TMEM164: variants seen among roughly 807,000 people sequenced by gnomAD.
TMEM164 encodes the protein transmembrane protein 164, also known as RP13-360B22.2.
TMEM164 carries 4 observed loss-of-function variants against 18.8 expected under a neutral mutation model. The observed-to-expected ratio is 0.21, with a 90% CI of 0.10 to 0.49. The LOEUF is 0.49. TMEM164 is among the 20% of genes least tolerant of loss of function. TMEM164 has a pLI of 0.98. For missense variants in TMEM164, 108 were observed against 239.9 expected (o/e 0.45, Z 3.63); for synonymous variants, 86 against 101.7 (o/e 0.85, Z 0.93).
chrX:110,017,492 CTCCCTCCCTCCCTCCCTCCCTCCT>C (rs1933498034), intron 2 of TMEM164, among the ~76,000 whole-genome samples: 1 of 4,666 alleles, frequency 2.1e-4, no homozygotes, highest in African/African-American at 4.5e-4. Flanking sequence ...CCCTCCCTCC[CTCCCTCCCTCCCTCCCTCCCTCCT>C]TCCTTCCTTC....
chrX:110,104,713 T>C (rs768528421), intron 3 of TMEM164, among the ~76,000 whole-genome samples: 33 of 112,139 alleles, frequency 2.9e-4, no homozygotes, highest in Non-Finnish European at 5.3e-4. Flanking sequence ...TTCTCTTCTC[T>C]GTAAGAATAC....
At chrX:110,064,994 C>CAAAA (rs34824546) in intron 2 of TMEM164, 1 of 42,158 alleles carries the variant, frequency 2.4e-5, no homozygotes, top group African/African-American at 1.1e-4. Flanking sequence ...GAGACTTTCT[C>CAAAA]AAAAAAAAAA....
intron 3 of TMEM164, among the ~76,000 whole-genome samples, chrX:110,075,190 A>G (rs1224407360): frequency 9.0e-6 from 1 of 111,455 alleles, no homozygotes; most frequent in Non-Finnish European, 1.9e-5. Context: ...GGCTGGATGT[A>G]TTCCTAGGCA....
At chrX:110,090,472 A>C (rs773375245) in intron 3 of TMEM164, among the ~76,000 whole-genome samples, 7 of 109,271 alleles carry the variant, frequency 6.4e-5, no homozygotes, top group Non-Finnish European at 1.1e-4. Flanking sequence ...CACTCGGCTA[A>C]TTTTTTGTAT....
At chrX:110,033,146 A>C (rs1046802638) in intron 2 of TMEM164, among the ~76,000 whole-genome samples, 6 of 112,026 alleles carry the variant, frequency 5.4e-5, no homozygotes, top group African/African-American at 2.0e-4. Flanking sequence ...CTCTTCTCTC[A>C]CTGTCTCTAA....
intron 2 of TMEM164, among the ~76,000 whole-genome samples, chrX:110,010,940 G>A (rs1355211123): frequency 4.5e-5 from 5 of 111,501 alleles, no homozygotes; most frequent in Non-Finnish European, 9.4e-5. Flanking sequence ...ATATCCCCCC[G>A]CTTTCCAGTC....
chrX:110,126,560 G>T (rs2066531894), intron 4 of TMEM164, among the ~76,000 whole-genome samples: 1 of 111,907 alleles, frequency 8.9e-6, no homozygotes, highest in Admixed American at 9.5e-5. Flanking sequence ...GGAAACATAG[G>T]AATCCATGCA....
At chrX:110,105,177 C>T (rs1245318450) in intron 3 of TMEM164, among the ~76,000 whole-genome samples, 1 of 12,533 alleles carries the variant, frequency 8.0e-5, no homozygotes, top group Non-Finnish European at 2.3e-4. Context: ...TCCATCCAAC[C>T]ATCCATCCAT....
At chrX:110,138,702 G>A (rs1027721761) in intron 4 of TMEM164, among the ~76,000 whole-genome samples, 5 of 112,368 alleles carry the variant, frequency 4.4e-5, no homozygotes, top group African/African-American at 6.5e-5. Context: ...GATGGACCAA[G>A]TAAGATGAGA....
chrX:110,152,571 T>C (rs2066958778), intron 5 of TMEM164, among the ~76,000 whole-genome samples: 1 of 111,901 alleles, frequency 8.9e-6, no homozygotes, highest in Admixed American at 9.5e-5. Context: ...CCAACTTTAT[T>C]TCCAGCTGGC....
intron 5 of TMEM164, among the ~76,000 whole-genome samples, chrX:110,147,605 C>G (rs185516243): frequency 2.7e-5 from 3 of 110,870 alleles, no homozygotes; most frequent in Admixed American, 1.9e-4. Flanking sequence ...TTACTATTCT[C>G]TCTCTTTTTT....
At chrX:110,096,953 T>A (rs2066031228) in intron 3 of TMEM164, among the ~76,000 whole-genome samples, 1 of 110,831 alleles carries the variant, frequency 9.0e-6, no homozygotes, top group South Asian at 3.8e-4. Flanking sequence ...GATCCAGGGG[T>A]TTATAGAAAC....
intron 3 of TMEM164, among the ~76,000 whole-genome samples, chrX:110,104,064 G>C (rs1363017113): frequency 8.9e-6 from 1 of 112,036 alleles, no homozygotes; most frequent in Non-Finnish European, 1.9e-5. Context: ...ATAAATACAT[G>C]TAGACACTAG....
chrX:110,131,692 T>A (rs1200590298), intron 4 of TMEM164, among the ~76,000 whole-genome samples: 1 of 111,689 alleles, frequency 9.0e-6, no homozygotes, highest in African/African-American at 3.3e-5. Context: ...TTTTGAACCA[T>A]CTCTTTGATT....
chrX:110,017,490 C>CTCTCTCTTTCTTT (rs1186210362), intron 2 of TMEM164, among the ~76,000 whole-genome samples: 1 of 3,987 alleles, frequency 2.5e-4, no homozygotes, highest in Non-Finnish European at 6.3e-4. Context: ...CTCCCTCCCT[C>CTCTCTCTTTCTTT]CCTCCCTCCC....
At chrX:110,101,579 GAT>G (rs2066110996) in intron 3 of TMEM164, among the ~76,000 whole-genome samples, 1 of 100,387 alleles carries the variant, frequency 1.0e-5, no homozygotes, top group African/African-American at 3.9e-5. Context: ...TGGTTTTATT[GAT>G]TTTTTTTTTT....
Position 110,175,773 on chromosome X carries a change from A to G in TMEM164, c.*2322A>G. On this transcript the variant is annotated 3_prime_UTR_variant, in exon 7 of 7. Coordinates refer to ENST00000372068, the MANE Select transcript of TMEM164 (RefSeq NM_032227.4). ...CAGTCTATAGGCTTCACAAGGAGCC[A>G]TGGCCTGTATTTGGGGCATTGGGGA... The G allele has an allele frequency of 1.3e-6, 1 of 755,111 alleles. No individual in the cohort carries two copies. Among genetic ancestry groups the G allele is most frequent in the Non-Finnish European group, 1.6e-6 (1 of 639,647 alleles). 62.2% of individuals were successfully genotyped at this position (755,111 alleles called of 1,213,427 possible).
rs1185953773 is a variant in TMEM164, at chrX:110,084,366, A to ACTATATATATATACTATATATATAT, written c.440+16970_440+16971insCTATATATATATACTATATATATAT. On this transcript the variant is annotated intron_variant, in intron 3 of 6. Transcript: ENST00000372068. ...TAAAAATACTATATATATATAGTAT[A>ACTATATATATATACTATATATATAT]GTATATATATAGTGTATATATATAT... 1.1e-3 allele frequency among the ~76,000 whole-genome samples: 68 copies of ACTATATATATATACTATATATATAT among 60,249 alleles called. 4 individuals are homozygous for ACTATATATATATACTATATATATAT. Among genetic ancestry groups the ACTATATATATATACTATATATATAT allele is most frequent in the South Asian group, 5.5e-3 (6 of 1,092 alleles). 52.3% of individuals were successfully genotyped at this position (60,249 alleles called of 115,157 possible).
intron 3 of TMEM164, 79 bp downstream of exon 3, chrX:110,067,475 C>A: frequency 1.1e-6 from 1 of 933,345 alleles, no homozygotes; most frequent in Non-Finnish European, 1.6e-6. Flanking sequence ...TAACACATTG[C>A]TGTGAACACC....
Sources: allele counts gnomAD v4.1 joint callset (sites outside exome capture counted in the v4.1 genomes callset), GRCh38; gene constraint gnomAD v4.1.1; transcripts MANE v1.5; gene names NCBI Gene and HGNC (gene_info 2026-07-23, HGNC 2026-07-21).